KCNC1: variants seen among roughly 807,000 people sequenced by gnomAD.
The protein encoded by KCNC1 is potassium voltage-gated channel subfamily C member 1, also known as voltage-gated potassium channel KCNC1.
Under a neutral mutation model 43.4 loss-of-function variants are expected in KCNC1, and 8 were observed. The ratio of observed to expected loss-of-function variants is 0.18; its 90% CI spans 0.11 to 0.33. KCNC1 has a LOEUF of 0.33. Ranked by LOEUF, KCNC1 falls within the 10% of genes least tolerant of loss-of-function variation. KCNC1 has a pLI of 1.00. For missense variants in KCNC1, 420 were observed against 836.0 expected, an observed-to-expected ratio of 0.50 and a Z score of 6.14; for synonymous variants, 361 against 360.5, an observed-to-expected ratio of 1.00 and a Z score of -0.01.
At chr11:17,759,794 A>T (rs1849058156) in intron 1 of KCNC1, among the ~76,000 whole-genome samples, 2 of 152,210 alleles carry the variant, frequency 1.3e-5, no homozygotes, top group Admixed American at 1.3e-4. Context: ...GAGATCAATG[A>T]TCACAGGTCA....
chr11:17,736,442 A>T lies in KCNC1; in HGVS notation c.440A>T (p.Asp147Val). 6.2e-7 allele frequency: 1 copy of T among 1,605,560 alleles called. No individual in the cohort carries two copies. Among genetic ancestry groups the T allele is most frequent in the Non-Finnish European group, 8.5e-7 (1 of 1,178,182 alleles). The change falls in exon 1 of 4, where the codon GAC becomes GTC. Residue 147 changes from aspartate to valine, a missense_variant. Coordinates refer to ENST00000265969, the MANE Select transcript of KCNC1 (RefSeq NM_001112741.2). This position sits in a 1 kb window ranked among gnomAD's most constrained non-coding sequence, Gnocchi z 9.3. ...CCTGGCGACTCGGGCGACGGCGAGG[A>T]CGAGCTGGAGATGACCAAGCGCCTG... ...DGPGDSGDGE[D>V]ELEMTKRLAL...
chr11:17,739,722 G>C lies in KCNC1; in HGVS notation c.570+3150G>C, dbSNP rs992607729. Among the ~76,000 whole-genome samples, 2 of 151,646 alleles carry C rather than the reference G, an allele frequency of 1.3e-5. No homozygotes were observed. Among genetic ancestry groups the C allele is most frequent in the Admixed American group, 6.6e-5 (1 of 15,190 alleles). On this transcript the variant is annotated intron_variant, in intron 1 of 3. Coordinates refer to ENST00000265969, the MANE Select transcript of KCNC1 (RefSeq NM_001112741.2). This position sits in a 1 kb window ranked among gnomAD's most constrained non-coding sequence, Gnocchi z 4.2. Reference sequence around the variant, plus strand: ...GTGTGTACATGCGTGTACACATAAGGCAGGAGGCTGTGTGGGGTGGGGGTC... The same window carrying C: ...GTGTGTACATGCGTGTACACATAAGCCAGGAGGCTGTGTGGGGTGGGGGTC...
In KCNC1 at chr11:17,736,636, G is replaced by A; in HGVS notation, c.570+64G>A. 2 of 1,445,616 alleles carry A rather than the reference G, an allele frequency of 1.4e-6. No homozygotes were observed. The highest frequency in any genetic ancestry group is 5.0e-5 in the East Asian group (2 of 40,054). 89.5% of individuals were successfully genotyped at this position (1,445,616 alleles called of 1,614,324 possible). A position where few individuals can be genotyped will look rare whatever the true frequency, so the allele number is the denominator to read the frequency against. On this transcript the variant is annotated intron_variant, in intron 1 of 3. Coordinates refer to ENST00000265969, the MANE Select transcript of KCNC1 (RefSeq NM_001112741.2). This position sits in a 1 kb window ranked among gnomAD's most constrained non-coding sequence, Gnocchi z 9.3. ...AGGCAGCGTCCTGTGCCTCCCCGCG[G>A]GCAGGGGTGGACCGGAGAACTGGCG...
intron 1 of KCNC1, among the ~76,000 whole-genome samples, chr11:17,741,167 CCATGAT>C (rs1352526385): frequency 6.6e-6 from 1 of 152,018 alleles, no homozygotes; most frequent in Non-Finnish European, 1.5e-5. Context: ...CCCCTGCTTC[CCATGAT>C]CCTTGTATGG....
rs1849289073 is a variant in KCNC1, at chr11:17,776,461, C to A, written c.1505-2995C>A. 1.0e-6 allele frequency: 1 copy of A among 985,312 alleles called. No individual in the cohort carries two copies. The highest frequency in any genetic ancestry group is 1.7e-5 in the African/African-American group (1 of 57,244). The allele number at this position is 985,312 out of a possible 1,614,324, so 61.0% of individuals were successfully genotyped here. A position where few individuals can be genotyped will look rare whatever the true frequency, so the allele number is the denominator to read the frequency against. On this transcript the variant is annotated intron_variant, in intron 2 of 3. Coordinates refer to ENST00000265969, the MANE Select transcript of KCNC1 (RefSeq NM_001112741.2). The surrounding 1 kb of genome is among the most constrained non-coding windows in gnomAD (Gnocchi z 4.4). ...TAAGTACTTTGGCGGTGCCTGGAGA[C>A]CAGGGCAGAAAAGCCAGCTGTGCTG...
In KCNC1 at chr11:17,781,148, G is replaced by C. The variant is rs1013607434; in HGVS notation, c.1694-522G>C. 1.3e-5 allele frequency: 2 copies of C among 152,614 alleles called. No homozygotes were observed. Among genetic ancestry groups the C allele is most frequent in the African/African-American group, 4.8e-5 (2 of 41,484 alleles). 9.5% of individuals were successfully genotyped at this position (152,614 alleles called of 1,614,324 possible). A position where few individuals can be genotyped will look rare whatever the true frequency, so the allele number is the denominator to read the frequency against. Reference sequence around the variant, plus strand: ...TTAGACTGATTGGTGTGGCCCCAAAGAGCAGACAAGACAGTCTCTTTACTG... The same window carrying C: ...TTAGACTGATTGGTGTGGCCCCAAACAGCAGACAAGACAGTCTCTTTACTG... On this transcript the variant is annotated intron_variant, in intron 3 of 3. Coordinates refer to ENST00000265969, the MANE Select transcript of KCNC1 (RefSeq NM_001112741.2). This position sits in a 1 kb window ranked among gnomAD's most constrained non-coding sequence, Gnocchi z 5.1.
chr11:17,747,624 C>T (rs928830299), intron 1 of KCNC1, among the ~76,000 whole-genome samples: 3 of 152,172 alleles, frequency 2.0e-5, no homozygotes, highest in East Asian at 1.9e-4. Context: ...GCCAGGCCGA[C>T]GCCAGCCTGG....
intron 1 of KCNC1, among the ~76,000 whole-genome samples, chr11:17,738,377 G>T (rs1848795443): frequency 6.6e-6 from 1 of 152,072 alleles, no homozygotes; most frequent in South Asian, 2.1e-4. Context: ...ATGTTGGGGT[G>T]GGGGTGGGCA....
intron 1 of KCNC1, among the ~76,000 whole-genome samples, chr11:17,758,021 G>A (rs1849040193): frequency 6.6e-6 from 1 of 152,220 alleles, no homozygotes; most frequent in Non-Finnish European, 1.5e-5. Flanking sequence ...AGCATGTGAT[G>A]CTGTTTGACA....
intron 2 of KCNC1, chr11:17,775,285 T>G: frequency 9.6e-5 from 46 of 479,494 alleles, no homozygotes; most frequent in South Asian, 1.8e-4. Context: ...AGGGCATCCC[T>G]CCCGCCCCCC....
chr11:17,740,844 C>T (rs189285138), intron 1 of KCNC1, among the ~76,000 whole-genome samples: 7 of 152,262 alleles, frequency 4.6e-5, no homozygotes, highest in Admixed American at 3.3e-4. Context: ...AACTGGCCTC[C>T]CCTCAGCTCC....
chr11:17,772,177 C>A lies in KCNC1; in HGVS notation c.1083C>A (p.Thr361=). The A allele has an allele frequency of 6.2e-7, 1 of 1,614,132 alleles. No individual in the cohort carries two copies. Among genetic ancestry groups the A allele is most frequent in the African/African-American group, 1.3e-5 (1 of 75,066 alleles). Residue 361 remains threonine, a synonymous_variant, in exon 2 of 4, where the codon ACC becomes ACA. Coordinates refer to ENST00000265969, the MANE Select transcript of KCNC1 (RefSeq NM_001112741.2). Reference sequence around the variant, plus strand: ...CCTTGGGCGTGCTGATCTTCGCCACCATGATCTACTACGCCGAGAGGATAG... The same window carrying A: ...CCTTGGGCGTGCTGATCTTCGCCACAATGATCTACTACGCCGAGAGGATAG... The part of the protein sequence containing the change: ...FLALGVLIFA[T]MIYYAERIGA...
chr11:17,758,846 G>T (rs966406377), intron 1 of KCNC1, among the ~76,000 whole-genome samples: 1 of 152,212 alleles, frequency 6.6e-6, no homozygotes, highest in Non-Finnish European at 1.5e-5. Flanking sequence ...AGTAGATTTA[G>T]TCTGATTCTT....
chr11:17,772,961 C>A, intron 2 of KCNC1: 1 of 1,140,702 alleles, frequency 8.8e-7, no homozygotes, highest in Non-Finnish European at 1.1e-6. Context: ...GGCTACTGAC[C>A]CGGTGTTGGG....
At position 17,777,884 on chromosome 11, in the gene KCNC1, C is replaced by A; in HGVS notation, c.1505-1572C>A. Reference sequence around the variant, plus strand: ...TGTACACGGGCGGTAATCCCACCCACGTGCACGCCCAGCGTGTGCACGTGG... The same window carrying A: ...TGTACACGGGCGGTAATCCCACCCAAGTGCACGCCCAGCGTGTGCACGTGG... On this transcript the variant is annotated intron_variant, in intron 2 of 3. Transcript: ENST00000265969. This position sits in a 1 kb window ranked among gnomAD's most constrained non-coding sequence, Gnocchi z 4.3. 1 of 983,834 alleles carries A rather than the reference C, an allele frequency of 1.0e-6. No individual in the cohort carries two copies. The highest frequency in any genetic ancestry group is 1.2e-6 in the Non-Finnish European group (1 of 827,810). 60.9% of individuals were successfully genotyped at this position (983,834 alleles called of 1,614,324 possible).
At chr11:17,764,804 G>A (rs569852273) in intron 1 of KCNC1, among the ~76,000 whole-genome samples, 6 of 143,034 alleles carry the variant, frequency 4.2e-5, no homozygotes, top group Admixed American at 3.4e-4. Flanking sequence ...TCCCCCAGCC[G>A]GCCCAGCACA....
Position 17,779,358 on chromosome 11 carries a change from A to G in KCNC1, c.1505-98A>G. ...GCTTTTCCGTCCTCAGGGACGCTCA[A>G]GCTGCCCTCTGCCAATACCCCGCTT... On this transcript the variant is annotated intron_variant, in intron 2 of 3. Transcript: ENST00000265969. This position sits in a 1 kb window ranked among gnomAD's most constrained non-coding sequence, Gnocchi z 7.2. 1 of 1,032,948 alleles carries G rather than the reference A, an allele frequency of 9.7e-7. No individual in the cohort carries two copies. Among genetic ancestry groups the G allele is most frequent in the East Asian group, 2.9e-5 (1 of 34,406 alleles). The allele number at this position is 1,032,948 out of a possible 1,614,324, so 64.0% of individuals were successfully genotyped here. A position where few individuals can be genotyped will look rare whatever the true frequency, so the allele number is the denominator to read the frequency against.
chr11:17,737,978 G>A (rs1425080240), intron 1 of KCNC1, among the ~76,000 whole-genome samples: 1 of 151,948 alleles, frequency 6.6e-6, no homozygotes. Context: ...TCTGTTAACT[G>A]AGATCAAAAA....
chr11:17,767,057 A>G (rs1031757642), intron 1 of KCNC1, among the ~76,000 whole-genome samples: 3 of 151,222 alleles, frequency 2.0e-5, no homozygotes, highest in Admixed American at 6.6e-5. Context: ...GCTTGAACCC[A>G]GGAGGCGGAG....
Sources: gnomAD v4.1 joint callset for allele counts (sites outside exome capture counted in the v4.1 genomes callset) on GRCh38, gnomAD v4.1.1 for gene constraint, Gnocchi (gnomAD v3.1) non-coding constraint, MANE v1.5 for transcripts, NCBI Gene and HGNC (gene_info 2026-07-23, HGNC 2026-07-21) for gene names.